GRB2: variants seen among roughly 807,000 people sequenced by gnomAD.
GRB2 encodes growth factor receptor bound protein 2.
In GRB2, 2 loss-of-function variants were observed where a neutral mutation model predicts 27.4. The observed-to-expected ratio is 0.07, with a 90% CI of 0.03 to 0.23. The LOEUF (loss-of-function observed/expected upper bound fraction) is 0.23. GRB2 is among the 10% of genes least tolerant of loss of function. The pLI is 1.00. For missense variants in GRB2, 102 were observed against 282.4 expected (o/e 0.36, Z 4.58); for synonymous variants, 94 against 99.6 (o/e 0.94, Z 0.33).
At chr17:75,370,998 T>C (rs539374779) in intron 2 of GRB2, 40 of 152,284 alleles carry the variant, frequency 2.6e-4, no homozygotes, top group African/African-American at 9.4e-4. Flanking sequence ...GGAATGTTTA[T>C]TGGGCAGTGA....
At chr17:75,376,119 G>T (rs1161512702) in intron 2 of GRB2, among the ~76,000 whole-genome samples, 2 of 151,658 alleles carry the variant, frequency 1.3e-5, no homozygotes, top group Non-Finnish European at 2.9e-5. Context: ...AAGGCAGGCG[G>T]ATTGGCTGAG....
intron 2 of GRB2, among the ~76,000 whole-genome samples, chr17:75,353,154 C>A (rs1366304965): frequency 1.7e-4 from 24 of 145,070 alleles, no homozygotes; most frequent in Non-Finnish European, 3.1e-4. Flanking sequence ...CACTGCACTT[C>A]AGCCTGGGCG....
At position 75,387,004 on chromosome 17, in the gene GRB2, C is replaced by T. The variant is rs566060788; in HGVS notation, c.78+6547G>A. 1.2e-4 allele frequency among the ~76,000 whole-genome samples: 6 copies of T among 51,008 alleles called. No individual in the cohort carries two copies. In the East Asian group the frequency reaches 6.3e-3, roughly 54 times the overall value. The allele number at this position is 51,008 out of a possible 152,430, so 33.5% of individuals were successfully genotyped here. ...TCCTGGCTAACTAAAAACACACACA[C>T]ACAAAAATTAGCTGGGTGTGGTGGC... is the stretch of plus-strand genomic sequence containing the variant. On this transcript the variant is annotated intron_variant, in intron 2 of 5. Coordinates refer to ENST00000316804, the MANE Select transcript of GRB2 (RefSeq NM_002086.5).
At chr17:75,349,399 C>T (rs1004411730) in intron 2 of GRB2, among the ~76,000 whole-genome samples, 4 of 151,914 alleles carry the variant, frequency 2.6e-5, no homozygotes, top group Non-Finnish European at 5.9e-5. Context: ...CTTTAGCCTG[C>T]TAAGGCTGTA....
At chr17:75,384,711 A>G (rs1045949773) in intron 2 of GRB2, among the ~76,000 whole-genome samples, 6 of 152,062 alleles carry the variant, frequency 3.9e-5, no homozygotes, top group African/African-American at 1.4e-4. Context: ...AATAAAACTG[A>G]TACATATGGT....
Position 75,320,590 on chromosome 17 carries a change from C to G in GRB2, c.469-37G>C. ...GAGCAGGAAAAACCCACATTGCATT[C>G]CTGGTCTGTGACTGGCCACCTCCGA... is the stretch of plus-strand genomic sequence containing the variant. On this transcript the variant is annotated intron_variant, in intron 5 of 5. Coordinates refer to ENST00000316804, the MANE Select transcript of GRB2 (RefSeq NM_002086.5). The surrounding 1 kb of genome is among the most constrained non-coding windows in gnomAD (Gnocchi z 4.3). 6.4e-7 allele frequency: 1 copy of G among 1,573,378 alleles called. No homozygotes were observed. The highest frequency in any genetic ancestry group is 8.7e-7 in the Non-Finnish European group (1 of 1,144,724).
intron 1 of GRB2, among the ~76,000 whole-genome samples, chr17:75,399,755 C>T (rs909209421): frequency 7.3e-5 from 11 of 149,808 alleles, no homozygotes; most frequent in Non-Finnish European, 1.0e-4. Context: ...CTGCAAGCTC[C>T]GTCTCCCAGG....
chr17:75,391,245 A>C (rs2078996478), intron 2 of GRB2, among the ~76,000 whole-genome samples: 1 of 152,172 alleles, frequency 6.6e-6, no homozygotes, highest in South Asian at 2.1e-4. Flanking sequence ...TATCTACCAA[A>C]TTGAAAAGAA....
intron 2 of GRB2, among the ~76,000 whole-genome samples, chr17:75,359,141 G>A (rs1361272151): frequency 8.1e-6 from 1 of 124,012 alleles, no homozygotes; most frequent in Non-Finnish European, 1.6e-5. Flanking sequence ...CTTAAACCCA[G>A]GAGGGTTTGA....
intron 1 of GRB2, among the ~76,000 whole-genome samples, chr17:75,399,261 C>T (rs1174748068): frequency 6.6e-6 from 1 of 151,722 alleles, no homozygotes; most frequent in Non-Finnish European, 1.5e-5. Flanking sequence ...CCATGTTGCC[C>T]AAGCTGATCT....
chr17:75,381,004 A>C (rs1008884490), intron 2 of GRB2, among the ~76,000 whole-genome samples: 1 of 152,216 alleles, frequency 6.6e-6, no homozygotes, highest in Non-Finnish European at 1.5e-5. Context: ...TTAAGTAGGT[A>C]ACCATTTGTT....
chr17:75,388,954 T>C (rs1025393405), intron 2 of GRB2, among the ~76,000 whole-genome samples: 2 of 152,178 alleles, frequency 1.3e-5, no homozygotes, highest in African/African-American at 4.8e-5. Flanking sequence ...ATTCTTGCTT[T>C]CAGTATCTTT....
At chr17:75,390,355 GGTAA>G (rs2078990605) in intron 2 of GRB2, among the ~76,000 whole-genome samples, 2 of 152,164 alleles carry the variant, frequency 1.3e-5, no homozygotes, top group Non-Finnish European at 2.9e-5. Context: ...GCAACTCCTA[GGTAA>G]GTTTTATGTG....
chr17:75,389,864 T>A (rs1341253399), intron 2 of GRB2, among the ~76,000 whole-genome samples: 2 of 152,046 alleles, frequency 1.3e-5, no homozygotes, highest in South Asian at 2.1e-4. Context: ...AAAAAATAAA[T>A]AAAAATAAAT....
At chr17:75,352,717 A>G (rs1158833748) in intron 2 of GRB2, among the ~76,000 whole-genome samples, 1 of 152,210 alleles carries the variant, frequency 6.6e-6, no homozygotes, top group Non-Finnish European at 1.5e-5. Context: ...TCTATGCAGT[A>G]AAAGTGTTTT....
chr17:75,396,869 T>TAG (rs1009970669), intron 1 of GRB2, among the ~76,000 whole-genome samples: 2 of 152,118 alleles, frequency 1.3e-5, no homozygotes, highest in Non-Finnish European at 2.9e-5. Context: ...AGAAATCAGA[T>TAG]AGAAATGAAA....
At chr17:75,343,102 G>C (rs1211972672) in intron 2 of GRB2, among the ~76,000 whole-genome samples, 1 of 151,300 alleles carries the variant, frequency 6.6e-6, no homozygotes, top group Admixed American at 6.6e-5. Flanking sequence ...GGTGGGTAGA[G>C]CAGGGAACTT....
intron 2 of GRB2, among the ~76,000 whole-genome samples, chr17:75,368,383 T>G (rs1402284305): frequency 1.3e-5 from 2 of 151,516 alleles, no homozygotes; most frequent in African/African-American, 4.9e-5. Context: ...GCTCAGCTAA[T>G]TTTTGTTTGT....
chr17:75,379,845 A>G (rs1173742782), intron 2 of GRB2, among the ~76,000 whole-genome samples: 2 of 152,270 alleles, frequency 1.3e-5, no homozygotes, highest in Non-Finnish European at 2.9e-5. Context: ...CAGGAAAGCC[A>G]AGGAAGGAGA....
Sources: gnomAD v4.1 joint callset for allele counts (sites outside exome capture counted in the v4.1 genomes callset) on GRCh38, gnomAD v4.1.1 for gene constraint, Gnocchi (gnomAD v3.1) non-coding constraint, MANE v1.5 for transcripts, NCBI Gene and HGNC (gene_info 2026-07-23, HGNC 2026-07-21) for gene names.